The following RGS7 variants were observed in gnomAD, a reference collection of about 807,000 sequenced individuals.
The protein encoded by RGS7 is regulator of G protein signaling 7.
In RGS7, 27 loss-of-function variants were observed where a neutral mutation model predicts 81.1. The ratio of observed to expected loss-of-function variants is 0.33; its 90% CI spans 0.25 to 0.46. The LOEUF is 0.46. Ranked by LOEUF, RGS7 falls within the 20% of genes least tolerant of loss-of-function variation. The pLI is 1.00. For missense variants in RGS7, 396 were observed against 607.4 expected (o/e 0.65, Z 3.66); for synonymous variants, 208 against 207.7 (o/e 1.00, Z -0.01).
At chr1:241,139,575 G>T (rs2067775828) in intron 2 of RGS7, among the ~76,000 whole-genome samples, 1 of 152,146 alleles carries the variant, frequency 6.6e-6, no homozygotes, top group African/African-American at 2.4e-5. Context: ...TTAAGAAACT[G>T]CCAAACCATT....
intron 3 of RGS7, among the ~76,000 whole-genome samples, chr1:241,000,911 C>T (rs623015): frequency 0.18 from 26,511 of 151,364 alleles, 2,550 homozygotes; most frequent in Middle Eastern, 0.31. Context: ...CCTGCCTCAG[C>T]CTTCCAAAGT....
rs1394016438 is a variant in RGS7, at chr1:241,299,609, A to G, written c.78+56090T>C. Among the ~76,000 whole-genome samples the G allele has an allele frequency of 2.0e-5, 3 of 151,982 alleles. 1 individual carries two copies. Among genetic ancestry groups the G allele is most frequent in the South Asian group, 4.2e-4 (2 of 4,818 alleles). On this transcript the variant is annotated intron_variant, in intron 2 of 18. Transcript: ENST00000440928. ...ATATCCAGCATCTTTTGCAAGAAAC[A>G]GAAAAGACTATGAAATCTAATCCAC... is the stretch of plus-strand genomic sequence containing the variant.
intron 3 of RGS7, among the ~76,000 whole-genome samples, chr1:241,064,164 C>G: frequency 1.2e-5 from 1 of 86,232 alleles, no homozygotes; most frequent in Admixed American, 1.7e-4. Flanking sequence ...GCCTGGGCAA[C>G]AAGAGTGAAA....
At chr1:241,183,001 C>A (rs1260038380) in intron 2 of RGS7, among the ~76,000 whole-genome samples, 1 of 151,086 alleles carries the variant, frequency 6.6e-6, no homozygotes, top group Non-Finnish European at 1.5e-5. Flanking sequence ...GTGCTCTGGT[C>A]CACATTTATT....
chr1:241,206,213 A>G (rs2073871686), intron 2 of RGS7, among the ~76,000 whole-genome samples: 1 of 149,062 alleles, frequency 6.7e-6, no homozygotes, highest in African/African-American at 2.5e-5. Flanking sequence ...CATTTGCCCC[A>G]TGACTTAAAG....
intron 9 of RGS7, among the ~76,000 whole-genome samples, chr1:240,865,664 T>C (rs1663101763): frequency 6.6e-6 from 1 of 152,230 alleles, no homozygotes; most frequent in South Asian, 2.1e-4. Flanking sequence ...GGATTTAGGG[T>C]CTAAATATAT....
intron 10 of RGS7, among the ~76,000 whole-genome samples, chr1:240,819,024 T>C (rs1392218351): frequency 6.6e-6 from 1 of 152,238 alleles, no homozygotes; most frequent in Non-Finnish European, 1.5e-5. Flanking sequence ...GTTTATTGAA[T>C]ATTACCCGAT....
At chr1:240,857,793 A>C (rs1328682766) in intron 9 of RGS7, among the ~76,000 whole-genome samples, 1 of 152,096 alleles carries the variant, frequency 6.6e-6, no homozygotes, top group Non-Finnish European at 1.5e-5. Context: ...TAGTTCCCGT[A>C]ATCCCCATGT....
chr1:241,015,932 C>T (rs1446945432), intron 3 of RGS7, among the ~76,000 whole-genome samples: 1 of 152,160 alleles, frequency 6.6e-6, no homozygotes, highest in Non-Finnish European at 1.5e-5. Context: ...TGCAGAACTG[C>T]ACTACATTAA....
At chr1:241,233,501 G>A (rs544375663) in intron 2 of RGS7, among the ~76,000 whole-genome samples, 1 of 152,278 alleles carries the variant, frequency 6.6e-6, no homozygotes, top group South Asian at 2.1e-4. Context: ...GTCTTTCTGT[G>A]CCTGACTCAC....
At chr1:241,001,515 T>A (rs976666868) in intron 3 of RGS7, among the ~76,000 whole-genome samples, 3 of 151,910 alleles carry the variant, frequency 2.0e-5, no homozygotes, top group African/African-American at 7.2e-5. Context: ...AAAATTTCTA[T>A]ACAGAAAAGA....
chr1:241,239,604 T>G (rs368696098), intron 2 of RGS7, among the ~76,000 whole-genome samples: 11 of 152,294 alleles, frequency 7.2e-5, no homozygotes, highest in African/African-American at 2.6e-4. Flanking sequence ...CATGGTCTTG[T>G]GTGCCTTCAT....
At chr1:240,789,600 C>T (rs915066834) in intron 18 of RGS7, among the ~76,000 whole-genome samples, 14 of 152,166 alleles carry the variant, frequency 9.2e-5, no homozygotes, top group Non-Finnish European at 1.6e-4. Flanking sequence ...CTTTTACGGT[C>T]GTAGCTGTGG....
At chr1:241,014,623 T>A (rs140251241) in intron 3 of RGS7, among the ~76,000 whole-genome samples, 55 of 152,308 alleles carry the variant, frequency 3.6e-4, no homozygotes, top group African/African-American at 1.3e-3. Flanking sequence ...AACTAACCAG[T>A]CATTCCCTAA....
chr1:241,194,106 T>C (rs2072889020), intron 2 of RGS7, among the ~76,000 whole-genome samples: 1 of 152,222 alleles, frequency 6.6e-6, no homozygotes, highest in African/African-American at 2.4e-5. Context: ...TACATATTAG[T>C]CTTTAATTTA....
At chr1:241,352,536 A>G (rs928369026) in intron 2 of RGS7, among the ~76,000 whole-genome samples, 5 of 152,126 alleles carry the variant, frequency 3.3e-5, no homozygotes, top group African/African-American at 1.2e-4. Context: ...CATCAAATGA[A>G]CTCTACTGAG....
rs116146093 is a variant in RGS7, at chr1:241,037,272, C to T, written c.176-54143G>A. ...TTTGTTAAGTCTATCATCTGCAATA[C>T]ATGTTCCTACATGTATTGACCAACT... On this transcript the variant is annotated intron_variant, in intron 3 of 18. Coordinates refer to ENST00000440928, the MANE Select transcript of RGS7 (RefSeq NM_001364886.1). Among the ~76,000 whole-genome samples the T allele has an allele frequency of 3.0e-3, 455 of 152,266 alleles. 2 individuals carry two copies. Among genetic ancestry groups the T allele is most frequent in the African/African-American group, 9.9e-3 (411 of 41,558 alleles).
chr1:241,207,677 G>A (rs943052132), intron 2 of RGS7, among the ~76,000 whole-genome samples: 1 of 152,016 alleles, frequency 6.6e-6, no homozygotes, highest in Non-Finnish European at 1.5e-5. Context: ...CGCACCAAAA[G>A]AATCAATTGA....
chr1:240,977,091 TACACACAC>T (rs60732630), intron 4 of RGS7, among the ~76,000 whole-genome samples: 5,536 of 133,714 alleles, frequency 0.041, 138 homozygotes, highest in East Asian at 0.063. Flanking sequence ...TATCCATCTG[TACACACAC>T]ACACACACAC....
Sources: gnomAD v4.1 joint callset for allele counts (sites outside exome capture counted in the v4.1 genomes callset) on GRCh38, gnomAD v4.1.1 for gene constraint, MANE v1.5 for transcripts, NCBI Gene and HGNC (gene_info 2026-07-23, HGNC 2026-07-21) for gene names.